The following SENP6 variants were observed in gnomAD, a reference collection of about 807,000 sequenced individuals.
SENP6 encodes the protein SUMO specific peptidase 6.
Under a neutral mutation model 134.5 loss-of-function variants are expected in SENP6, and 41 were observed. That is an observed-to-expected ratio of 0.30 (90% CI 0.24 to 0.40). The LOEUF is 0.40. Ranked by LOEUF, SENP6 falls within the 10% of genes least tolerant of loss-of-function variation. The pLI is 1.00. For missense variants in SENP6, 1,248 were observed against 1,312.5 expected (o/e 0.95, Z 0.76); for synonymous variants, 395 against 429.8 (o/e 0.92, Z 1.00).
At chr6:75,649,613 G>C (rs1171382460) in intron 7 of SENP6, among the ~76,000 whole-genome samples, 1 of 152,056 alleles carries the variant, frequency 6.6e-6, no homozygotes, top group East Asian at 1.9e-4. Context: ...CGCCTCCCGG[G>C]TTCAAATAAT....
intron 16 of SENP6, among the ~76,000 whole-genome samples, chr6:75,693,130 T>G (rs150677670): frequency 0.012 from 1,756 of 152,246 alleles, 37 homozygotes; most frequent in African/African-American, 0.039. Context: ...CCAGGCACAG[T>G]GGCTCACGCC....
chr6:75,715,630 C>A lies in SENP6; in HGVS notation c.*36C>A. The A allele has an allele frequency of 1.3e-6, 2 of 1,527,718 alleles. No individual in the cohort carries two copies. Among genetic ancestry groups the A allele is most frequent in the Non-Finnish European group, 1.8e-6 (2 of 1,113,176 alleles). 94.6% of individuals were successfully genotyped at this position (1,527,718 alleles called of 1,614,324 possible). Reference sequence around the variant, plus strand: ...TACTTGTCATTTCTACTTTCAGAAACTAAATGACTTTCAAATTTGGGTATA... The same window carrying A: ...TACTTGTCATTTCTACTTTCAGAAAATAAATGACTTTCAAATTTGGGTATA... On this transcript the variant is annotated 3_prime_UTR_variant, in exon 24 of 24. Transcript: ENST00000447266.
intron 7 of SENP6, chr6:75,654,974 C>T (rs1007590790): frequency 2.6e-5 from 4 of 152,144 alleles, no homozygotes; most frequent in African/African-American, 4.8e-5. Context: ...ATTTTAAAGT[C>T]GATTGTAGAC....
intron 16 of SENP6, among the ~76,000 whole-genome samples, chr6:75,684,338 T>G (rs1354178812): frequency 6.6e-6 from 1 of 152,230 alleles, no homozygotes; most frequent in African/African-American, 2.4e-5. Context: ...TCATGTCATC[T>G]GCAAACAGGG....
chr6:75,688,575 A>G (rs1198595006), intron 16 of SENP6, among the ~76,000 whole-genome samples: 2 of 151,664 alleles, frequency 1.3e-5, no homozygotes, highest in African/African-American at 4.8e-5. Flanking sequence ...TTTAGTTTAA[A>G]CTGTGCCCCC....
Position 75,663,495 on chromosome 6 carries a change from G to A in SENP6, c.971G>A (p.Ser324Asn). 1 of 1,610,890 alleles carries A rather than the reference G, an allele frequency of 6.2e-7. No homozygotes were observed. The highest frequency in any genetic ancestry group is 1.1e-5 in the South Asian group (1 of 90,828). The change falls in exon 9 of 24, where the codon AGT becomes AAT. Residue 324 changes from serine to asparagine, a missense_variant. By Grantham distance (46) the Ser-to-Asn change is conservative. Transcript: ENST00000447266. ...KITNLKERKT[S>N]LSDLNDPIIL... The stretch of plus-strand genomic sequence containing the variant: ...ACAAACTTGAAAGAAAGGAAAACAA[G>A]TTTGTCAGACCTAAATGATCCAAGT...
chr6:75,671,012 G>T (rs1265111509), intron 11 of SENP6, among the ~76,000 whole-genome samples: 1 of 152,026 alleles, frequency 6.6e-6, no homozygotes, highest in African/African-American at 2.4e-5. Flanking sequence ...CCAGCTAAGT[G>T]CATGAAAAGA....
chr6:75,715,651 G>T lies in SENP6; in HGVS notation c.*57G>T. The T allele has an allele frequency of 7.2e-7, 1 of 1,385,338 alleles. No homozygotes were observed. Among genetic ancestry groups the T allele is most frequent in the Non-Finnish European group, 1.0e-6 (1 of 993,060 alleles). 85.8% of individuals were successfully genotyped at this position (1,385,338 alleles called of 1,614,324 possible). On this transcript the variant is annotated 3_prime_UTR_variant, in exon 24 of 24. Transcript: ENST00000447266. The stretch of plus-strand genomic sequence containing the variant: ...GAAACTAAATGACTTTCAAATTTGG[G>T]TATAGACAATAAAGAACTGAAGTGC...
Position 75,702,951 on chromosome 6 carries a change from T to A in SENP6, c.2595T>A (p.Asn865Lys), listed in dbSNP as rs761468531. Residue 865 changes from asparagine to lysine, a missense_variant, in exon 19 of 24, where the codon AAT becomes AAA. Around this residue, in one of 3 missense-constraint regions of SENP6, gnomAD observed 386 missense variants for 395.0 expected, o/e 0.98. Transcript: ENST00000447266. ...CSVKYSVKKI[N>K]HTASENEEFN... is the part of the protein sequence containing the mutation. The stretch of plus-strand genomic sequence containing the variant: ...TAAAATACAGTGTGAAAAAAATAAA[T>A]CATACTGCGAGTGAAAATGAAGAAT... 7 of 1,613,826 alleles carry A rather than the reference T, an allele frequency of 4.3e-6. No homozygotes were observed. In the African/African-American group the frequency reaches 8.0e-5, roughly 18 times the overall value.
In SENP6 at chr6:75,713,530, T is replaced by A; in HGVS notation, c.2927T>A (p.Met976Lys). The part of the protein sequence containing the change: ...TICKQPCILL[M>K]DSLRGPSRSN... ...CCCTGCAGACCTTGTATCCTACTTA[T>A]GGACTCACTCCGAGGCCCTTCTCGG... The change falls in exon 22 of 24, where the codon ATG (methionine) becomes AAG (lysine). Residue 976 changes from methionine (M) to lysine (K), a missense_variant. Physicochemically the swap from Met to Lys is moderately conservative, Grantham distance 95. Transcript: ENST00000447266. The A allele has an allele frequency of 6.2e-7, 1 of 1,613,792 alleles. No homozygotes were observed.
intron 5 of SENP6, among the ~76,000 whole-genome samples, chr6:75,635,896 A>G (rs1769474958): frequency 6.6e-6 from 1 of 152,158 alleles, no homozygotes; most frequent in African/African-American, 2.4e-5. Context: ...AATGTAGTCT[A>G]AGTTTGAAAT....
At chr6:75,684,041 C>G (rs891234224) in intron 16 of SENP6, among the ~76,000 whole-genome samples, 2 of 152,054 alleles carry the variant, frequency 1.3e-5, no homozygotes, top group Non-Finnish European at 2.9e-5. Flanking sequence ...ATGGAATATT[C>G]TTCCATTTGT....
intron 16 of SENP6, among the ~76,000 whole-genome samples, chr6:75,682,808 A>T (rs984579956): frequency 6.6e-6 from 1 of 152,142 alleles, no homozygotes; most frequent in African/African-American, 2.4e-5. Flanking sequence ...TCTATCATTG[A>T]TGGACATTTG....
intron 8 of SENP6, among the ~76,000 whole-genome samples, chr6:75,660,556 A>G (rs1771694843): frequency 6.6e-6 from 1 of 151,960 alleles, no homozygotes; most frequent in Non-Finnish European, 1.5e-5. Flanking sequence ...ACATGTCCCT[A>G]TCATTCTTTG....
chr6:75,710,902 A>G lies in SENP6; in HGVS notation c.2821-426A>G, dbSNP rs554909401. Among the ~76,000 whole-genome samples, 3 of 152,292 alleles carry G rather than the reference A, an allele frequency of 2.0e-5. No homozygotes were observed. The South Asian group carries it at 6.2e-4, about 32-fold the overall frequency. ...AACAGTGTTTCCAAAAACCCTTTAA[A>G]TATTTCTGATGTGAAAACATTATTC... On this transcript the variant is annotated intron_variant, in intron 20 of 23. Coordinates refer to ENST00000447266, the MANE Select transcript of SENP6 (RefSeq NM_015571.4).
intron 3 of SENP6, among the ~76,000 whole-genome samples, chr6:75,631,940 A>G (rs966169305): frequency 3.9e-5 from 6 of 152,192 alleles, no homozygotes; most frequent in Non-Finnish European, 8.8e-5. Flanking sequence ...ACCATTCCAT[A>G]AACAAGTGAC....
At chr6:75,699,400 T>C (rs930618130) in intron 18 of SENP6, among the ~76,000 whole-genome samples, 10 of 149,426 alleles carry the variant, frequency 6.7e-5, no homozygotes, top group Admixed American at 4.0e-4. Context: ...CAAATACTTA[T>C]ACACTAATTA....
At chr6:75,683,972 A>G (rs1057457596) in intron 16 of SENP6, among the ~76,000 whole-genome samples, 9 of 152,130 alleles carry the variant, frequency 5.9e-5, no homozygotes, top group Non-Finnish European at 1.0e-4. Context: ...CATTGAATCT[A>G]TACATTACTT....
intron 5 of SENP6, among the ~76,000 whole-genome samples, chr6:75,640,212 A>T (rs1027329833): frequency 6.6e-6 from 1 of 152,166 alleles, no homozygotes; most frequent in African/African-American, 2.4e-5. Flanking sequence ...AGAGCAAAAA[A>T]CCCATGTGCT....
Sources: gnomAD v4.1 joint callset for allele counts (sites outside exome capture counted in the v4.1 genomes callset) on GRCh38, gnomAD v4.1.1 for gene constraint, gnomAD v4.1.1 regional missense constraint, MANE v1.5 for transcripts, NCBI Gene and HGNC (gene_info 2026-07-23, HGNC 2026-07-21) for gene names.